The following GNG12 variants were observed in gnomAD, a reference collection of about 807,000 sequenced individuals.
The protein encoded by GNG12 is G protein subunit gamma 12.
For missense variants in GNG12, 69 were observed against 83.8 expected, an observed-to-expected ratio of 0.82 and a Z score of 0.69; for synonymous variants, 28 against 29.7, an observed-to-expected ratio of 0.94 and a Z score of 0.19.
chr1:67,708,859 A>C (rs1646265122), intron 2 of GNG12, among the ~76,000 whole-genome samples: 1 of 152,198 alleles, frequency 6.6e-6, no homozygotes, highest in Admixed American at 6.5e-5. Context: ...CAGCAAACCC[A>C]GGCTGACTCA....
chr1:67,777,135 T>C (rs1646710481), intron 2 of GNG12: 1 of 152,174 alleles, frequency 6.6e-6, no homozygotes, highest in African/African-American at 2.4e-5. Flanking sequence ...CTGAATTCCC[T>C]GGCTGAAATA....
intron 2 of GNG12, among the ~76,000 whole-genome samples, chr1:67,726,757 T>C (rs1646388720): frequency 6.6e-6 from 1 of 152,224 alleles, no homozygotes; most frequent in African/African-American, 2.4e-5. Flanking sequence ...GCACAACATC[T>C]TGTGTGTTCT....
chr1:67,818,429 T>G (rs1455973311), intron 1 of GNG12, among the ~76,000 whole-genome samples: 1 of 148,624 alleles, frequency 6.7e-6, no homozygotes, highest in African/African-American at 2.5e-5. Flanking sequence ...TTTTTTTTTT[T>G]TTTTTTTTTT....
At chr1:67,798,051 G>A (rs916205132) in intron 1 of GNG12, among the ~76,000 whole-genome samples, 4 of 152,032 alleles carry the variant, frequency 2.6e-5, no homozygotes, top group African/African-American at 2.4e-5. Flanking sequence ...CTTATAGGAG[G>A]TTCCTTTCAC....
In GNG12 at chr1:67,704,890, A is replaced by G. The variant is rs948467562; in HGVS notation, c.*561T>C. 4 of 152,278 alleles carry G rather than the reference A, an allele frequency of 2.6e-5. No individual in the cohort carries two copies. Among genetic ancestry groups the G allele is most frequent in the African/African-American group, 9.6e-5 (4 of 41,458 alleles). 9.4% of individuals were successfully genotyped at this position (152,278 alleles called of 1,614,324 possible). A position where few individuals can be genotyped will look rare whatever the true frequency, so the allele number is the denominator to read the frequency against. ...TTTATTCTACCTATACACAGCTCAAAATAAAGGTATAACTTCTGGAACTGA... is the reference window on the plus strand; with the variant it reads ...TTTATTCTACCTATACACAGCTCAAGATAAAGGTATAACTTCTGGAACTGA... On this transcript the variant is annotated 3_prime_UTR_variant, in exon 4 of 4. Transcript: ENST00000370982.
At chr1:67,784,772 C>T (rs1408673464) in intron 1 of GNG12, among the ~76,000 whole-genome samples, 1 of 152,182 alleles carries the variant, frequency 6.6e-6, no homozygotes, top group East Asian at 1.9e-4. Flanking sequence ...TATCTTTTCA[C>T]TTATATAGCA....
At chr1:67,804,862 T>C (rs1646886163) in intron 1 of GNG12, among the ~76,000 whole-genome samples, 1 of 152,096 alleles carries the variant, frequency 6.6e-6, no homozygotes, top group African/African-American at 2.4e-5. Context: ...TTTGTGAGTT[T>C]TACCTCTAGA....
intron 1 of GNG12, among the ~76,000 whole-genome samples, chr1:67,794,155 C>T (rs962475106): frequency 3.9e-5 from 6 of 152,200 alleles, no homozygotes; most frequent in Non-Finnish European, 8.8e-5. Flanking sequence ...TCTGCTTTTG[C>T]TTCCCGCTTA....
In GNG12 at chr1:67,706,691, T is replaced by C. The variant is rs1156394914; in HGVS notation, c.93+903A>G. Among the ~76,000 whole-genome samples the C allele has an allele frequency of 4.0e-5, 6 of 151,476 alleles. No homozygotes were observed. The East Asian group carries it at 1.2e-3, about 29-fold the overall frequency. On this transcript the variant is annotated intron_variant, in intron 3 of 3. Coordinates refer to ENST00000370982, the MANE Select transcript of GNG12 (RefSeq NM_018841.6). ...TTTTTTTGAGATGAAGTTTTGTTCT[T>C]GTTGCCCAGGCTGGAGTGCAATGGC... is the stretch of plus-strand genomic sequence containing the variant.
intron 2 of GNG12, among the ~76,000 whole-genome samples, chr1:67,732,180 C>T (rs1366508577): frequency 6.6e-6 from 1 of 152,164 alleles, no homozygotes; most frequent in East Asian, 1.9e-4. Context: ...AAAATGCAGT[C>T]ATAAAGGAGA....
At chr1:67,707,966 C>T (rs1033018155) in intron 2 of GNG12, among the ~76,000 whole-genome samples, 1 of 152,192 alleles carries the variant, frequency 6.6e-6, no homozygotes, top group African/African-American at 2.4e-5. Flanking sequence ...TGCACCCCAA[C>T]ATATAACACA....
At chr1:67,799,917 AT>A (rs1202210018) in intron 1 of GNG12, among the ~76,000 whole-genome samples, 4 of 152,004 alleles carry the variant, frequency 2.6e-5, no homozygotes, top group African/African-American at 7.2e-5. Context: ...TCTAAATCCA[AT>A]TTTTGTGACA....
intron 2 of GNG12, among the ~76,000 whole-genome samples, chr1:67,739,203 C>T (rs183316710): frequency 5.3e-5 from 8 of 152,112 alleles, no homozygotes; most frequent in Admixed American, 1.3e-4. Flanking sequence ...AACAAAAAAA[C>T]CCCAGCAACA....
At chr1:67,783,301 C>A (rs1646747492) in intron 1 of GNG12, among the ~76,000 whole-genome samples, 3 of 152,174 alleles carry the variant, frequency 2.0e-5, no homozygotes, top group Non-Finnish European at 4.4e-5. Context: ...TTACAATGGA[C>A]ATCTTCATGG....
chr1:67,769,921 T>C (rs1646663808), intron 2 of GNG12, among the ~76,000 whole-genome samples: 1 of 152,160 alleles, frequency 6.6e-6, no homozygotes, highest in Non-Finnish European at 1.5e-5. Flanking sequence ...GAGCAGCATC[T>C]TTCCAACAAC....
intron 2 of GNG12, among the ~76,000 whole-genome samples, chr1:67,735,566 G>T (rs969549804): frequency 6.6e-6 from 1 of 152,218 alleles, no homozygotes; most frequent in Non-Finnish European, 1.5e-5. Flanking sequence ...ATCTGAGGAT[G>T]AAATGCATAT....
chr1:67,745,105 CA>C (rs1646501015), intron 2 of GNG12, among the ~76,000 whole-genome samples: 1 of 152,172 alleles, frequency 6.6e-6, no homozygotes. Context: ...GTGCTTGGCA[CA>C]TGGTAAATAT....
chr1:67,769,671 A>G (rs1157270166), intron 2 of GNG12, among the ~76,000 whole-genome samples: 1 of 152,224 alleles, frequency 6.6e-6, no homozygotes, highest in Non-Finnish European at 1.5e-5. Context: ...ACCCAGATAC[A>G]CAGGTCAAAA....
At chr1:67,775,011 T>C (rs1049169319) in intron 2 of GNG12, among the ~76,000 whole-genome samples, 1 of 152,250 alleles carries the variant, frequency 6.6e-6, no homozygotes, top group African/African-American at 2.4e-5. Context: ...TCATTATTAC[T>C]ATTGTTGCTG....
Sources: gnomAD v4.1 joint callset for allele counts (sites outside exome capture counted in the v4.1 genomes callset) on GRCh38, gnomAD v4.1.1 for gene constraint, MANE v1.5 for transcripts, NCBI Gene and HGNC (gene_info 2026-07-23, HGNC 2026-07-21) for gene names.